Variants in CYYR1 observed in about 807,000 individuals in gnomAD.
The protein encoded by CYYR1 is cysteine and tyrosine rich 1, also known as cysteine and tyrosine-rich protein 1.
In CYYR1, 14 loss-of-function variants were observed where a neutral mutation model predicts 15.2. That is an observed-to-expected ratio of 0.92 (90% CI 0.61 to 1.44). CYYR1 has a LOEUF of 1.44. CYYR1 is among the 40% of genes most tolerant of loss of function. CYYR1 has a pLI of 0.00. For missense variants in CYYR1, 228 were observed against 209.5 expected, an observed-to-expected ratio of 1.09 and a Z score of -0.54; for synonymous variants, 80 against 77.4, an observed-to-expected ratio of 1.03 and a Z score of -0.18.
intron 2 of CYYR1, among the ~76,000 whole-genome samples, chr21:26,521,359 A>G (rs1469681223): frequency 1.3e-5 from 2 of 152,250 alleles, no homozygotes; most frequent in East Asian, 3.8e-4. Flanking sequence ...CTTTACATGT[A>G]TACGAAAGAC....
intron 2 of CYYR1, among the ~76,000 whole-genome samples, chr21:26,553,047 A>C (rs1979507860): frequency 6.6e-6 from 1 of 152,070 alleles, no homozygotes; most frequent in African/African-American, 2.4e-5. Flanking sequence ...CTGCTGGATT[A>C]ATATTTTCTT....
At chr21:26,492,359 T>C (rs956910535) in intron 2 of CYYR1, among the ~76,000 whole-genome samples, 1 of 152,230 alleles carries the variant, frequency 6.6e-6, no homozygotes, top group Non-Finnish European at 1.5e-5. Flanking sequence ...TTTAATTAGA[T>C]ACCTGTCCTT....
At chr21:26,558,455 G>A (rs1362852648) in intron 2 of CYYR1, among the ~76,000 whole-genome samples, 1 of 152,140 alleles carries the variant, frequency 6.6e-6, no homozygotes, top group African/African-American at 2.4e-5. Context: ...GTGTAGCTGT[G>A]AATGCAGATG....
chr21:26,486,296 T>C (rs768731032), intron 2 of CYYR1, among the ~76,000 whole-genome samples: 6 of 152,106 alleles, frequency 3.9e-5, no homozygotes, highest in Non-Finnish European at 8.8e-5. Flanking sequence ...TTTTTTTTCT[T>C]TTATGGATTG....
At chr21:26,566,488 T>C (rs1473532098) in intron 1 of CYYR1, 120 bp from the exon 2 acceptor site, 10 of 723,024 alleles carry the variant, frequency 1.4e-5, no homozygotes, top group South Asian at 7.1e-5. Flanking sequence ...TAAATCTTCA[T>C]TTTCGTCCTC....
chr21:26,481,015 A>G (rs1468283988), intron 2 of CYYR1, among the ~76,000 whole-genome samples: 1 of 152,182 alleles, frequency 6.6e-6, no homozygotes, highest in Non-Finnish European at 1.5e-5. Flanking sequence ...AACATAAATA[A>G]AACTTCGATT....
intron 2 of CYYR1, among the ~76,000 whole-genome samples, chr21:26,481,068 T>C (rs946879151): frequency 6.6e-6 from 1 of 152,168 alleles, no homozygotes; most frequent in Non-Finnish European, 1.5e-5. Flanking sequence ...AAGTTTTAGC[T>C]CATGCAACAA....
chr21:26,568,693 T>C (rs965787431), intron 1 of CYYR1: 3 of 152,154 alleles, frequency 2.0e-5, no homozygotes, highest in African/African-American at 7.2e-5. Flanking sequence ...AGAAAATATG[T>C]GTAAGCTATG....
chr21:26,516,476 A>G (rs763366964), intron 2 of CYYR1, among the ~76,000 whole-genome samples: 8 of 152,226 alleles, frequency 5.3e-5, no homozygotes, highest in Non-Finnish European at 1.2e-4. Context: ...CATTCTTCTG[A>G]AAGTTGCACT....
At chr21:26,524,190 G>A (rs1168188613) in intron 2 of CYYR1, among the ~76,000 whole-genome samples, 1 of 152,196 alleles carries the variant, frequency 6.6e-6, no homozygotes, top group Non-Finnish European at 1.5e-5. Context: ...CTCGAACCAT[G>A]TAGGTATATG....
chr21:26,571,897 T>TA (rs1981031057), intron 1 of CYYR1, among the ~76,000 whole-genome samples: 2 of 152,220 alleles, frequency 1.3e-5, no homozygotes, highest in Non-Finnish European at 2.9e-5. Context: ...ATAAACAGGC[T>TA]AAAAATGTCT....
At chr21:26,479,179 C>T (rs1264444786) in intron 3 of CYYR1, among the ~76,000 whole-genome samples, 4 of 151,734 alleles carry the variant, frequency 2.6e-5, no homozygotes, top group Admixed American at 2.0e-4. Flanking sequence ...AAAGACAAGA[C>T]TGAGCCTTCA....
intron 2 of CYYR1, among the ~76,000 whole-genome samples, chr21:26,543,164 G>C (rs1318806064): frequency 6.6e-6 from 1 of 152,082 alleles, no homozygotes; most frequent in Non-Finnish European, 1.5e-5. Context: ...GGAGGGGAAC[G>C]GCACACACTG....
intron 2 of CYYR1, among the ~76,000 whole-genome samples, chr21:26,544,210 A>G (rs1281478396): frequency 6.6e-6 from 1 of 152,194 alleles, no homozygotes; most frequent in African/African-American, 2.4e-5. Flanking sequence ...CAACCAGAAT[A>G]CAGGAAAACT....
chr21:26,566,774 C>G (rs996407032), intron 1 of CYYR1, among the ~76,000 whole-genome samples: 9 of 152,126 alleles, frequency 5.9e-5, no homozygotes, highest in African/African-American at 2.2e-4. Flanking sequence ...CTTTGGGAGG[C>G]TGAGGCGGGT....
intron 2 of CYYR1, among the ~76,000 whole-genome samples, chr21:26,546,188 G>A (rs1978965912): frequency 6.6e-6 from 1 of 152,200 alleles, no homozygotes; most frequent in East Asian, 1.9e-4. Flanking sequence ...CTCACAGCAT[G>A]TTAGTGGTAA....
chr21:26,491,943 C>T (rs1008433246), intron 2 of CYYR1, among the ~76,000 whole-genome samples: 7 of 152,144 alleles, frequency 4.6e-5, no homozygotes, highest in African/African-American at 1.7e-4. Context: ...CTGGTTCTGA[C>T]ATTTATTATC....
chr21:26,537,636 A>G (rs1445325083), intron 2 of CYYR1, among the ~76,000 whole-genome samples: 1 of 152,084 alleles, frequency 6.6e-6, no homozygotes, highest in Non-Finnish European at 1.5e-5. Context: ...AAGCAAATCG[A>G]GGGCAATGCT....
chr21:26,495,310 T>C (rs769033330), intron 2 of CYYR1, among the ~76,000 whole-genome samples: 4 of 152,182 alleles, frequency 2.6e-5, no homozygotes, highest in Non-Finnish European at 4.4e-5. Flanking sequence ...CTAAATCAAG[T>C]GAGTGCTAGC....
Sources: allele counts gnomAD v4.1 joint callset (sites outside exome capture counted in the v4.1 genomes callset), GRCh38; gene constraint gnomAD v4.1.1; transcripts MANE v1.5; gene names NCBI Gene and HGNC (gene_info 2026-07-23, HGNC 2026-07-21).